CNTN4: variants seen among roughly 807,000 people sequenced by gnomAD.
CNTN4 encodes contactin-4.
CNTN4 carries 77 observed loss-of-function variants against 122.5 expected under a neutral mutation model. That is an observed-to-expected ratio of 0.63 (90% CI 0.52 to 0.76). The LOEUF (loss-of-function observed/expected upper bound fraction) is 0.76, where lower values mean the gene tolerates loss of function less well. Ranked by LOEUF, CNTN4 falls within the 30% of genes least tolerant of loss-of-function variation. CNTN4 has a pLI of 0.00. For synonymous variants in CNTN4, 512 were observed against 447.0 expected, an observed-to-expected ratio of 1.15 and a Z score of -1.83; for missense variants, 1,256 against 1,259.1, an observed-to-expected ratio of 1.00 and a Z score of 0.04.
rs1701522314 is a variant in CNTN4 at position 3,053,882 on chromosome 3, C to G, written c.2887C>G (p.Pro963Ala). 6.2e-7 allele frequency: 1 copy of G among 1,613,916 alleles called. No individual in the cohort carries two copies. The highest frequency in any genetic ancestry group is 1.1e-5 in the South Asian group (1 of 91,072). Residue 963 changes from proline to alanine, a missense_variant, in exon 24 of 25, where the codon CCT becomes GCT. By Grantham distance (27) the Pro-to-Ala change is conservative. Coordinates refer to ENST00000418658, the MANE Select transcript of CNTN4 (RefSeq NM_175607.3). Reference protein sequence around the residue: ...TNKTSVELSLPFDEDYIIEIK... With the variant: ...TNKTSVELSLAFDEDYIIEIK... ...TAAAACATCGGTGGAGCTTTCTTTG[C>G]CTTTCGATGAAGATTATATAATAGA...
chr3:2,802,239 T>C (rs4580532), intron 6 of CNTN4, among the ~76,000 whole-genome samples: 49,242 of 152,000 alleles, frequency 0.32, 8,310 homozygotes, highest in East Asian at 0.61. Flanking sequence ...TTTGGAGTCT[T>C]TGTGGTCATT....
chr3:2,942,410 A>T (rs183477765), intron 13 of CNTN4, among the ~76,000 whole-genome samples: 55 of 152,362 alleles, frequency 3.6e-4, no homozygotes, highest in African/African-American at 1.3e-3. Flanking sequence ...AGTTATAATT[A>T]TCGTGTTTAT....
At chr3:2,207,075 A>C (rs928213673) in intron 2 of CNTN4, among the ~76,000 whole-genome samples, 1 of 151,956 alleles carries the variant, frequency 6.6e-6, no homozygotes, top group Non-Finnish European at 1.5e-5. Flanking sequence ...TCATGTTACT[A>C]TTGTAAATTT....
intron 14 of CNTN4, among the ~76,000 whole-genome samples, chr3:3,009,723 G>A (rs193033046): frequency 2.0e-5 from 3 of 152,224 alleles, no homozygotes; most frequent in South Asian, 2.1e-4. Context: ...GTGAGCCACC[G>A]CGCCCGGCCA....
chr3:2,149,771 A>C (rs1408985989), intron 2 of CNTN4, among the ~76,000 whole-genome samples: 1 of 152,150 alleles, frequency 6.6e-6, no homozygotes, highest in Non-Finnish European at 1.5e-5. Context: ...AAAGGAAATA[A>C]CCAGGTTGTA....
chr3:2,601,223 A>C lies in CNTN4; in HGVS notation c.55+29665A>C, dbSNP rs201631428. ...TAGTTTAATTAGATCCCATTTGTCTATTTTGGCTTTTGTTGCCATTGCTTT... is the reference window on the plus strand; with the variant it reads ...TAGTTTAATTAGATCCCATTTGTCTCTTTTGGCTTTTGTTGCCATTGCTTT... On this transcript the variant is annotated intron_variant, in intron 4 of 24. Transcript: ENST00000418658. 2.5e-4 allele frequency among the ~76,000 whole-genome samples: 38 copies of C among 152,244 alleles called. No homozygotes were observed. The East Asian group carries it at 7.2e-3, about 29-fold the overall frequency.
At chr3:2,607,278 A>T (rs994355703) in intron 4 of CNTN4, among the ~76,000 whole-genome samples, 12 of 152,222 alleles carry the variant, frequency 7.9e-5, no homozygotes, top group Admixed American at 1.3e-4. Flanking sequence ...TCTAGCCATG[A>T]TAATTCTAGA....
chr3:3,046,329 G>T (rs1700648096), intron 23 of CNTN4, among the ~76,000 whole-genome samples: 1 of 152,134 alleles, frequency 6.6e-6, no homozygotes, highest in Non-Finnish European at 1.5e-5. Context: ...ATAATTGTCA[G>T]ATTCACCAAA....
At chr3:2,264,994 C>A (rs995296600) in intron 2 of CNTN4, among the ~76,000 whole-genome samples, 1 of 152,038 alleles carries the variant, frequency 6.6e-6, no homozygotes, top group Non-Finnish European at 1.5e-5. Flanking sequence ...AATGTGTAAT[C>A]TTTCATCCCT....
intron 8 of CNTN4, among the ~76,000 whole-genome samples, chr3:2,870,042 A>G (rs575330221): frequency 6.6e-6 from 1 of 152,334 alleles, no homozygotes; most frequent in Admixed American, 6.5e-5. Flanking sequence ...CTATCAAGTC[A>G]TGGATGTAAT....
chr3:2,507,650 A>G (rs1575798159), intron 3 of CNTN4, among the ~76,000 whole-genome samples: 1 of 150,410 alleles, frequency 6.6e-6, no homozygotes, highest in Non-Finnish European at 1.5e-5. Flanking sequence ...CAGGAGAATC[A>G]CTTGAACCCA....
At chr3:2,113,364 A>C (rs1217085289) in intron 2 of CNTN4, among the ~76,000 whole-genome samples, 4 of 152,228 alleles carry the variant, frequency 2.6e-5, no homozygotes, top group Non-Finnish European at 4.4e-5. Flanking sequence ...AGTATCATTT[A>C]TATAGAAATT....
Position 2,665,092 on chromosome 3 carries a change from A to G in CNTN4, c.56-71123A>G, listed in dbSNP as rs183505115. 2.1e-3 allele frequency among the ~76,000 whole-genome samples: 316 copies of G among 152,320 alleles called. 4 individuals carry two copies. Among genetic ancestry groups the G allele is most frequent in the African/African-American group, 7.5e-3 (311 of 41,572 alleles). On this transcript the variant is annotated intron_variant, in intron 4 of 24. Coordinates refer to ENST00000418658, the MANE Select transcript of CNTN4 (RefSeq NM_175607.3). The stretch of plus-strand genomic sequence containing the variant: ...CTAGGGATATAATTATTTTGTCGTT[A>G]TCCACAGTTCCTCAAGGGACTGATG...
At chr3:2,472,566 A>T (rs1036960335) in intron 3 of CNTN4, among the ~76,000 whole-genome samples, 1 of 152,150 alleles carries the variant, frequency 6.6e-6, no homozygotes, top group African/African-American at 2.4e-5. Flanking sequence ...TTACATGGTA[A>T]GCAAGATTAT....
chr3:2,918,746 A>G (rs148325852), intron 12 of CNTN4, among the ~76,000 whole-genome samples: 233 of 152,330 alleles, frequency 1.5e-3, no homozygotes, highest in African/African-American at 5.1e-3. Context: ...TAAACAGCCC[A>G]TGTGGTATTT....
At chr3:2,717,315 G>T (rs896763564) in intron 4 of CNTN4, among the ~76,000 whole-genome samples, 2 of 152,048 alleles carry the variant, frequency 1.3e-5, no homozygotes, top group African/African-American at 4.8e-5. Context: ...TTCCTTCTGG[G>T]AATCTGGAAT....
chr3:2,534,012 G>A (rs1447149256), intron 3 of CNTN4, among the ~76,000 whole-genome samples: 3 of 151,050 alleles, frequency 2.0e-5, no homozygotes, highest in Non-Finnish European at 4.4e-5. Context: ...TTAGCCCTTT[G>A]TCAGATGAGT....
At chr3:2,547,894 G>A (rs1005003952) in intron 3 of CNTN4, among the ~76,000 whole-genome samples, 7 of 152,038 alleles carry the variant, frequency 4.6e-5, no homozygotes, top group South Asian at 2.1e-4. Context: ...AGAGACATGC[G>A]TATTAAAGCT....
chr3:2,680,213 C>T (rs1046681223), intron 4 of CNTN4, among the ~76,000 whole-genome samples: 10 of 152,146 alleles, frequency 6.6e-5, no homozygotes, highest in Non-Finnish European at 1.5e-5. Context: ...GAACCCATCT[C>T]TGTGAAAACA....
Sources: allele counts gnomAD v4.1 joint callset (sites outside exome capture counted in the v4.1 genomes callset), GRCh38; gene constraint gnomAD v4.1.1; transcripts MANE v1.5; gene names NCBI Gene and HGNC (gene_info 2026-07-23, HGNC 2026-07-21).